The following RGS6 variants were observed in gnomAD, a reference collection of about 807,000 sequenced individuals.
The protein encoded by RGS6 is regulator of G-protein signaling 6.
In RGS6, 30 loss-of-function variants were observed where a neutral mutation model predicts 78.5. The observed-to-expected ratio is 0.38, with a 90% confidence interval of 0.29 to 0.52. The LOEUF is 0.52. Ranked by LOEUF, RGS6 falls within the 20% of genes least tolerant of loss-of-function variation. RGS6 has a pLI of 0.85. For missense variants in RGS6, 495 were observed against 609.7 expected, an observed-to-expected ratio of 0.81 and a Z score of 1.98; for synonymous variants, 206 against 206.0, an observed-to-expected ratio of 1.00 and a Z score of 0.00.
intron 2 of RGS6, among the ~76,000 whole-genome samples, chr14:72,127,459 A>G (rs904187882): frequency 1.3e-5 from 2 of 152,226 alleles, no homozygotes; most frequent in Non-Finnish European, 2.9e-5. Flanking sequence ...GAAAAACAAG[A>G]TAATTCTTAA....
chr14:72,323,841 A>AAAAAAT (rs2072900234), intron 2 of RGS6, among the ~76,000 whole-genome samples: 1 of 134,674 alleles, frequency 7.4e-6, no homozygotes, highest in Non-Finnish European at 1.6e-5. Flanking sequence ...AAAAAAAAAA[A>AAAAAAT]CTATTGTAAA....
chr14:72,238,046 A>T (rs2153820090), intron 2 of RGS6, among the ~76,000 whole-genome samples: 1 of 152,214 alleles, frequency 6.6e-6, no homozygotes, highest in Non-Finnish European at 1.5e-5. Context: ...TTTATTAAGC[A>T]GTGGGAGTGG....
At chr14:72,446,483 G>A (rs1048654891) in intron 3 of RGS6, among the ~76,000 whole-genome samples, 1 of 152,184 alleles carries the variant, frequency 6.6e-6, no homozygotes, top group Non-Finnish European at 1.5e-5. Flanking sequence ...AGGGAGTTAG[G>A]GCTGAAGGAT....
the RGS6 span, among the ~76,000 whole-genome samples, chr14:71,903,704 G>A: frequency 6.6e-6 from 1 of 152,220 alleles, no homozygotes; most frequent in African/African-American, 2.4e-5. Context: ...TCTCTTGGGA[G>A]CCTTATTACC....
chr14:72,120,062 T>G (rs1218396936), intron 2 of RGS6, among the ~76,000 whole-genome samples: 1 of 152,176 alleles, frequency 6.6e-6, no homozygotes, highest in African/African-American at 2.4e-5. Flanking sequence ...ACAGCAATTG[T>G]GAAGTTCTTG....
intron 3 of RGS6, among the ~76,000 whole-genome samples, chr14:72,431,381 C>T (rs1463173215): frequency 2.0e-5 from 3 of 152,274 alleles, no homozygotes; most frequent in Non-Finnish European, 4.4e-5. Flanking sequence ...GAGACAGAGT[C>T]TCATTCCATT....
intron 15 of RGS6, among the ~76,000 whole-genome samples, chr14:72,522,340 C>A (rs1304095806): frequency 6.6e-6 from 1 of 152,182 alleles, no homozygotes; most frequent in Non-Finnish European, 1.5e-5. Context: ...CCAAGTACCA[C>A]CACACTGAGG....
At chr14:72,513,149 T>TGCTC (rs571495083) in intron 14 of RGS6, among the ~76,000 whole-genome samples, 1 of 152,242 alleles carries the variant, frequency 6.6e-6, no homozygotes, top group Non-Finnish European at 1.5e-5. Context: ...TGTCCTCCTG[T>TGCTC]GCTCCCTCTC....
At chr14:72,575,846 C>A in the RGS6 span, among the ~76,000 whole-genome samples, 1 of 152,182 alleles carries the variant, frequency 6.6e-6, no homozygotes, top group African/African-American at 2.4e-5. Flanking sequence ...AAAGCAGTTC[C>A]ATTTTCAAGC....
chr14:72,552,817 G>C (rs781751024), intron 17 of RGS6: 1 of 152,090 alleles, frequency 6.6e-6, no homozygotes, highest in Non-Finnish European at 1.5e-5. Flanking sequence ...TGGAGAAGTT[G>C]TTTATTTCCA....
At chr14:72,479,526 G>C (rs1838940529) in intron 12 of RGS6, among the ~76,000 whole-genome samples, 1 of 152,314 alleles carries the variant, frequency 6.6e-6, no homozygotes, top group East Asian at 1.9e-4. Context: ...TCCCCTGGGT[G>C]GGGTGAAAGT....
At position 72,465,618 on chromosome 14, in the gene RGS6, ATGGG is replaced by A. The variant is rs371968253; in HGVS notation, c.395-136_395-133del. On this transcript the variant is annotated intron_variant, in intron 6 of 17. Coordinates refer to ENST00000553525, the MANE Select transcript of RGS6 (RefSeq NM_001204424.2). ...GATGGATGGTTGGGTGGATGGGTGG[ATGGG>A]TGGATGGATGGATGGATGGATGGAT... 0.063 allele frequency: 28,755 copies of A among 457,170 alleles called. 635 individuals are homozygous for A. Among genetic ancestry groups the A allele is most frequent in the South Asian group, 0.082 (3,086 of 37,658 alleles). The allele number at this position is 457,170 out of a possible 1,614,324, so 28.3% of individuals were successfully genotyped here.
At chr14:72,293,905 A>G (rs1375369499) in intron 2 of RGS6, among the ~76,000 whole-genome samples, 1 of 152,222 alleles carries the variant, frequency 6.6e-6, no homozygotes, top group East Asian at 1.9e-4. Flanking sequence ...TAGTAAACTT[A>G]CTTGTGGAAA....
chr14:72,465,694 A>T, intron 6 of RGS6, 64 bp from the exon 7 acceptor site: 1 of 1,164,412 alleles, frequency 8.6e-7, no homozygotes, highest in South Asian at 1.2e-5. Flanking sequence ...AGATGGATGG[A>T]TGGGCTTATA....
At chr14:72,550,460 G>C in intron 17 of RGS6, 5 of 1,535,530 alleles carry the variant, frequency 3.3e-6, no homozygotes, top group Non-Finnish European at 4.4e-6. Flanking sequence ...AACAGGAAAA[G>C]ACAGACTGTC....
the RGS6 span, among the ~76,000 whole-genome samples, chr14:72,579,573 T>A: frequency 6.6e-6 from 1 of 152,148 alleles, no homozygotes; most frequent in Non-Finnish European, 1.5e-5. Flanking sequence ...AGTGAGGCAT[T>A]CCACAGCCCA....
intron 3 of RGS6, among the ~76,000 whole-genome samples, chr14:72,425,973 G>A (rs2094419166): frequency 1.3e-5 from 2 of 152,060 alleles, no homozygotes; most frequent in South Asian, 4.2e-4. Flanking sequence ...CGGTAAAATT[G>A]TTTGACCTTT....
intron 2 of RGS6, among the ~76,000 whole-genome samples, chr14:71,976,205 TTTTC>T (rs1338583079): frequency 6.6e-6 from 1 of 151,186 alleles, no homozygotes; most frequent in Non-Finnish European, 1.5e-5. Flanking sequence ...TCTACTAACC[TTTTC>T]TTTCTTTTTT....
intron 6 of RGS6, among the ~76,000 whole-genome samples, chr14:72,460,004 T>C (rs926311062): frequency 6.6e-6 from 1 of 152,170 alleles, no homozygotes; most frequent in African/African-American, 2.4e-5. Flanking sequence ...TGACTTTTAA[T>C]TGTTCTTTCC....
Sources: allele counts gnomAD v4.1 joint callset (sites outside exome capture counted in the v4.1 genomes callset), GRCh38; gene constraint gnomAD v4.1.1; transcripts MANE v1.5; gene names NCBI Gene and HGNC (gene_info 2026-07-23, HGNC 2026-07-21).